ZNF521: variants seen among roughly 807,000 people sequenced by gnomAD.
ZNF521 encodes zinc finger protein 521, also known as LYST-interacting protein 3.
In ZNF521, 14 loss-of-function variants were observed where a neutral mutation model predicts 105.5. The ratio of observed to expected loss-of-function variants is 0.13; its 90% CI spans 0.09 to 0.21. The LOEUF (loss-of-function observed/expected upper bound fraction) is 0.21, where lower values mean the gene tolerates loss of function less well. Among genes scored for constraint, ZNF521 ranks in the 10% least tolerant of loss-of-function variants. ZNF521 has a pLI of 1.00. For synonymous variants in ZNF521, 635 were observed against 606.0 expected (o/e 1.05, Z -0.70); for missense variants, 1,233 against 1,629.7 (o/e 0.76, Z 4.19).
At chr18:25,284,882 A>G (rs1411683873) in intron 3 of ZNF521, among the ~76,000 whole-genome samples, 1 of 151,034 alleles carries the variant, frequency 6.6e-6, no homozygotes, top group Non-Finnish European at 1.5e-5. Context: ...GAGAGAGACT[A>G]CACAAACACT....
intron 5 of ZNF521, among the ~76,000 whole-genome samples, chr18:25,129,921 G>A (rs1428588230): frequency 6.6e-6 from 1 of 152,110 alleles, no homozygotes; most frequent in East Asian, 1.9e-4. Flanking sequence ...CTGAAAGACA[G>A]TTTGGAGCTT....
At chr18:25,125,318 C>T (rs1443733231) in intron 5 of ZNF521, among the ~76,000 whole-genome samples, 2 of 152,066 alleles carry the variant, frequency 1.3e-5, no homozygotes, top group Non-Finnish European at 2.9e-5. Flanking sequence ...TTCAATTCAA[C>T]AGTTTGGCAT....
chr18:25,165,443 A>T (rs1390988220), intron 5 of ZNF521, among the ~76,000 whole-genome samples: 1 of 152,222 alleles, frequency 6.6e-6, no homozygotes, highest in Non-Finnish European at 1.5e-5. Flanking sequence ...TGACAGCAGC[A>T]ATCCCACCGT....
At chr18:25,292,167 C>A (rs1911067879) in intron 3 of ZNF521, among the ~76,000 whole-genome samples, 1 of 152,204 alleles carries the variant, frequency 6.6e-6, no homozygotes, top group Non-Finnish European at 1.5e-5. Context: ...ATGAGCATGT[C>A]TACCAACACT....
intron 5 of ZNF521, among the ~76,000 whole-genome samples, chr18:25,135,991 T>C (rs1451029414): frequency 1.3e-5 from 2 of 152,148 alleles, no homozygotes; most frequent in Non-Finnish European, 2.9e-5. Context: ...TAAAATACAT[T>C]ATTGCTACTC....
At chr18:25,184,842 G>A (rs116921315) in intron 5 of ZNF521, among the ~76,000 whole-genome samples, 3,364 of 152,266 alleles carry the variant, frequency 0.022, 58 homozygotes, top group South Asian at 0.041. Context: ...AACAAAAGGA[G>A]TAATAGTGCC....
intron 1 of ZNF521, 100 bp from the exon 2 acceptor site, chr18:25,351,047 G>T: frequency 2.0e-6 from 2 of 980,450 alleles, no homozygotes; most frequent in Non-Finnish European, 2.7e-6. Flanking sequence ...CGCGCCCTCC[G>T]CTCGGCCTCC....
chr18:25,179,188 C>G (rs9966668), intron 5 of ZNF521, among the ~76,000 whole-genome samples: 3,556 of 108,274 alleles, frequency 0.033, 195 homozygotes, highest in African/African-American at 0.12. Context: ...GAATTTCCCT[C>G]TATCCCCCAG....
chr18:25,080,424 C>T (rs1201770734), intron 7 of ZNF521, among the ~76,000 whole-genome samples: 1 of 152,206 alleles, frequency 6.6e-6, no homozygotes, highest in East Asian at 1.9e-4. Context: ...GGGGAACTTA[C>T]TCCTTCATAG....
chr18:25,349,792 G>C (rs1054495405), intron 2 of ZNF521, among the ~76,000 whole-genome samples: 58 of 150,224 alleles, frequency 3.9e-4, no homozygotes, highest in African/African-American at 1.4e-3. Context: ...CAGCGGGCCC[G>C]GGCGGGCGCA....
chr18:25,228,751 C>T (rs1195950336), intron 3 of ZNF521, among the ~76,000 whole-genome samples: 2 of 152,210 alleles, frequency 1.3e-5, no homozygotes, highest in East Asian at 3.9e-4. Context: ...AGGAATGTTA[C>T]CTTATATTAG....
At chr18:25,089,630 C>T (rs2144208229) in intron 6 of ZNF521, 50 bp from the exon 7 acceptor site, 3 of 1,487,680 alleles carry the variant, frequency 2.0e-6, no homozygotes, top group East Asian at 2.3e-5. Flanking sequence ...TTCCGAAATG[C>T]CCTCAGTCGA....
intron 3 of ZNF521, among the ~76,000 whole-genome samples, chr18:25,266,480 G>C (rs906804507): frequency 1.3e-5 from 2 of 150,730 alleles, no homozygotes; most frequent in African/African-American, 2.4e-5. Flanking sequence ...ACAGGAACAG[G>C]TCCGGTCTGC....
intron 3 of ZNF521, among the ~76,000 whole-genome samples, chr18:25,310,977 T>A (rs147746324): frequency 4.2e-4 from 64 of 152,268 alleles, no homozygotes; most frequent in South Asian, 2.1e-3. Flanking sequence ...CTTTAAACTT[T>A]GAGAAGCTCC....
At chr18:25,270,423 T>G (rs1220876140) in intron 3 of ZNF521, among the ~76,000 whole-genome samples, 2 of 152,172 alleles carry the variant, frequency 1.3e-5, no homozygotes. Context: ...CTAACTCATT[T>G]TATGAGGCCA....
At chr18:25,102,618 C>A (rs766385252) in intron 5 of ZNF521, among the ~76,000 whole-genome samples, 1 of 151,996 alleles carries the variant, frequency 6.6e-6, no homozygotes, top group Non-Finnish European at 1.5e-5. Context: ...GCCTCAAGCT[C>A]CTCGGCTCAG....
At chr18:25,289,323 T>C (rs761821192) in intron 3 of ZNF521, among the ~76,000 whole-genome samples, 5 of 152,230 alleles carry the variant, frequency 3.3e-5, no homozygotes, top group African/African-American at 4.8e-5. Context: ...TTTAAACCCC[T>C]GGCAGAAAGG....
chr18:25,081,821 A>G (rs1284532423), intron 7 of ZNF521, among the ~76,000 whole-genome samples: 1 of 152,188 alleles, frequency 6.6e-6, no homozygotes, highest in African/African-American at 2.4e-5. Flanking sequence ...GAAAAACTCT[A>G]GTCTTTTTGC....
chr18:25,278,399 T>C (rs45471895), intron 3 of ZNF521, among the ~76,000 whole-genome samples: 3,112 of 152,344 alleles, frequency 0.02, 48 homozygotes, highest in Middle Eastern at 0.061. Context: ...CTTTTCCCTT[T>C]TGGGTCTGTT....
Sources: gnomAD v4.1 joint callset for allele counts (sites outside exome capture counted in the v4.1 genomes callset) on GRCh38, gnomAD v4.1.1 for gene constraint, MANE v1.5 for transcripts, NCBI Gene and HGNC (gene_info 2026-07-23, HGNC 2026-07-21) for gene names.